SLC38A1: variants seen among roughly 807,000 people sequenced by gnomAD.
The protein encoded by SLC38A1 is sodium-coupled neutral amino acid symporter 1.
SLC38A1 carries 18 observed loss-of-function variants against 60.3 expected under a neutral mutation model. The observed-to-expected ratio is 0.30, with a 90% CI of 0.21 to 0.44. The LOEUF (loss-of-function observed/expected upper bound fraction) is 0.44, where lower values mean the gene tolerates loss of function less well. Among genes scored for constraint, SLC38A1 ranks in the 20% least tolerant of loss-of-function variants. SLC38A1 has a pLI of 1.00. For missense variants in SLC38A1, 448 were observed against 587.2 expected (o/e 0.76, Z 2.45); for synonymous variants, 196 against 212.1 (o/e 0.92, Z 0.66).
intron 5 of SLC38A1, among the ~76,000 whole-genome samples, chr12:46,210,161 G>C (rs1451603530): frequency 6.6e-6 from 1 of 152,174 alleles, no homozygotes; most frequent in East Asian, 1.9e-4. Flanking sequence ...GTTGAAGGCT[G>C]CTCTAGGCCC....
intron 1 of SLC38A1, among the ~76,000 whole-genome samples, chr12:46,261,951 GT>G (rs1942209982): frequency 6.6e-6 from 1 of 152,142 alleles, no homozygotes; most frequent in Non-Finnish European, 1.5e-5. Context: ...AGGGATGCTG[GT>G]AAACATCATA....
chr12:46,186,430 A>T lies in SLC38A1; in HGVS notation c.*2540T>A, dbSNP rs75921732. 6.0e-4 allele frequency: 91 copies of T among 152,306 alleles called. No individual in the cohort carries two copies. The East Asian group carries it at 0.017, about 29-fold the overall frequency. 9.4% of individuals were successfully genotyped at this position (152,306 alleles called of 1,614,324 possible). On this transcript the variant is annotated 3_prime_UTR_variant, in exon 17 of 17. Coordinates refer to ENST00000398637, the MANE Select transcript of SLC38A1 (RefSeq NM_030674.4). ...CTTTAATCTACTAATTTAGCAGAAA[A>T]ACTTCCATAGCACTTGACTGTGCTG...
At chr12:46,226,400 CT>C (rs1310132389) in intron 5 of SLC38A1, among the ~76,000 whole-genome samples, 4 of 151,580 alleles carry the variant, frequency 2.6e-5, no homozygotes, top group Non-Finnish European at 4.4e-5. Context: ...AGTTTTTAAG[CT>C]CCTATAAATA....
In SLC38A1 at chr12:46,268,859, A is replaced by T. The variant is rs901948368; in HGVS notation, c.-542T>A. 4.4e-6 allele frequency: 2 copies of T among 455,210 alleles called. No homozygotes were observed. Among genetic ancestry groups the T allele is most frequent in the African/African-American group, 4.0e-5 (2 of 50,032 alleles). The allele number at this position is 455,210 out of a possible 1,614,324, so 28.2% of individuals were successfully genotyped here. A position where few individuals can be genotyped will look rare whatever the true frequency, so the allele number is the denominator to read the frequency against. Reference sequence around the variant, plus strand: ...CTCACACTCTGCTCGCCGGCCTCGCACTTACATCGACATGCACCGGCGCTG... The same window carrying T: ...CTCACACTCTGCTCGCCGGCCTCGCTCTTACATCGACATGCACCGGCGCTG... On this transcript the variant is annotated 5_prime_UTR_variant, in exon 1 of 17. Coordinates refer to ENST00000398637, the MANE Select transcript of SLC38A1 (RefSeq NM_030674.4). The surrounding 1 kb of genome is among the most constrained non-coding windows in gnomAD (Gnocchi z 4.4).
chr12:46,260,105 A>T (rs930827531), intron 1 of SLC38A1, among the ~76,000 whole-genome samples: 25 of 152,166 alleles, frequency 1.6e-4, no homozygotes, highest in African/African-American at 3.1e-4. Flanking sequence ...CACTTAGAAC[A>T]GCGTCTGGCC....
intron 13 of SLC38A1, among the ~76,000 whole-genome samples, chr12:46,200,451 G>C (rs1039536695): frequency 2.7e-5 from 4 of 150,786 alleles, no homozygotes; most frequent in Non-Finnish European, 5.9e-5. Context: ...ATTTAAATTA[G>C]GTCCCCAATT....
At chr12:46,253,198 C>A (rs967705636) in intron 1 of SLC38A1, among the ~76,000 whole-genome samples, 7 of 151,870 alleles carry the variant, frequency 4.6e-5, no homozygotes, top group East Asian at 1.9e-4. Flanking sequence ...ATGTTTGGGA[C>A]CAGAAGTGTT....
intron 2 of SLC38A1, 112 bp from the exon 3 acceptor site, chr12:46,240,005 T>C: frequency 1.9e-6 from 1 of 531,196 alleles, no homozygotes; most frequent in East Asian, 3.3e-5. Flanking sequence ...ATTTTACATG[T>C]TGCTACTAGA....
intron 1 of SLC38A1, among the ~76,000 whole-genome samples, chr12:46,253,957 G>A (rs1340624539): frequency 6.6e-6 from 1 of 152,076 alleles, no homozygotes; most frequent in Non-Finnish European, 1.5e-5. Context: ...CTTAAGTTCT[G>A]ACAAAAAGTA....
intron 1 of SLC38A1, among the ~76,000 whole-genome samples, chr12:46,254,502 T>C (rs566678347): frequency 6.6e-6 from 1 of 152,356 alleles, no homozygotes; most frequent in Admixed American, 6.5e-5. Flanking sequence ...GATGGAACTC[T>C]GCTCCATAGA....
At position 46,201,192 on chromosome 12, in the gene SLC38A1, T is replaced by C. The variant is rs201290630; in HGVS notation, c.909A>G (p.Ser303=). Residue 303 remains serine (S), a synonymous_variant, in exon 13 of 17, where the codon TCA becomes TCG. Coordinates refer to ENST00000398637, the MANE Select transcript of SLC38A1 (RefSeq NM_030674.4). ...TTGAAACCATCTGCATTTTTTTCTG[T>C]GATCGGCTAAAAACAAATAAATGTT... The part of the protein sequence containing the change: ...LPIYSELKDR[S]QKKMQMVSNI... 3,210 of 1,612,460 alleles carry C rather than the reference T, an allele frequency of 2.0e-3. 6 individuals carry two copies. Among genetic ancestry groups the C allele is most frequent in the Non-Finnish European group, 2.2e-3 (2,540 of 1,179,076 alleles).
intron 16 of SLC38A1, chr12:46,196,197 A>G: frequency 6.5e-7 from 1 of 1,536,100 alleles, no homozygotes; most frequent in Non-Finnish European, 8.7e-7. Context: ...GAGCATGTTC[A>G]GTGAGAGCGC....
chr12:46,255,144 A>G (rs984893412), intron 1 of SLC38A1, among the ~76,000 whole-genome samples: 12 of 152,242 alleles, frequency 7.9e-5, no homozygotes, highest in African/African-American at 1.7e-4. Context: ...AACATCTGTC[A>G]AAGTCCTATT....
At chr12:46,236,333 C>T (rs192405106) in intron 3 of SLC38A1, among the ~76,000 whole-genome samples, 78 of 152,218 alleles carry the variant, frequency 5.1e-4, no homozygotes, top group African/African-American at 1.8e-3. Flanking sequence ...GAACACTAGG[C>T]ATAAATGGGC....
chr12:46,205,774 G>A (rs557609660), intron 9 of SLC38A1, among the ~76,000 whole-genome samples: 2 of 152,194 alleles, frequency 1.3e-5, no homozygotes, highest in Admixed American at 6.5e-5. Flanking sequence ...GAAGAGAATT[G>A]CATTTTCTGG....
At chr12:46,231,845 A>G (rs1941088057) in intron 3 of SLC38A1, among the ~76,000 whole-genome samples, 1 of 152,290 alleles carries the variant, frequency 6.6e-6, no homozygotes, top group Middle Eastern at 3.4e-3. Context: ...TTGCTATGCC[A>G]GCCAGGCTGG....
rs191662873 is a variant in SLC38A1 at position 46,230,718 on chromosome 12, G to T, written c.123-1079C>A. Among the ~76,000 whole-genome samples, 488 of 152,298 alleles carry T rather than the reference G, an allele frequency of 3.2e-3. 2 individuals are homozygous for T. The highest frequency in any genetic ancestry group is 0.011 in the African/African-American group (470 of 41,548). On this transcript the variant is annotated intron_variant, in intron 3 of 16. Transcript: ENST00000398637. ...AAGAATCATCAAATATATTCAGGGTGAGTATCAAAACTTTATAGCCTAAAT... is the reference window on the plus strand; with the variant it reads ...AAGAATCATCAAATATATTCAGGGTTAGTATCAAAACTTTATAGCCTAAAT...
chr12:46,202,908 C>T (rs753392514), intron 12 of SLC38A1, 102 bp downstream of exon 12: 56 of 748,750 alleles, frequency 7.5e-5, no homozygotes, highest in African/African-American at 3.7e-4. Context: ...GTGATGAATC[C>T]GCTGACGTTC....
chr12:46,232,356 A>G (rs1259858769), intron 3 of SLC38A1, among the ~76,000 whole-genome samples: 1 of 152,282 alleles, frequency 6.6e-6, no homozygotes, highest in Non-Finnish European at 1.5e-5. Flanking sequence ...GATTAGCCAG[A>G]GGAAACTAAA....
Sources: allele counts gnomAD v4.1 joint callset (sites outside exome capture counted in the v4.1 genomes callset), GRCh38; gene constraint gnomAD v4.1.1; non-coding constraint Gnocchi (gnomAD v3.1); transcripts MANE v1.5; gene names NCBI Gene and HGNC (gene_info 2026-07-23, HGNC 2026-07-21).